Variants in ENPEP observed in about 807,000 individuals in gnomAD.
ENPEP encodes glutamyl aminopeptidase.
A neutral mutation model predicts 114.5 loss-of-function variants in ENPEP; 103 were observed. The observed-to-expected ratio is 0.90, with a 90% CI of 0.77 to 1.06. The LOEUF is 1.06. Among genes scored for constraint, ENPEP ranks in the 50% least tolerant of loss-of-function variants. The pLI is 0.00. For missense variants in ENPEP, 1,196 were observed against 1,161.3 expected (o/e 1.03, Z -0.43); for synonymous variants, 420 against 422.0 (o/e 1.00, Z 0.06).
intron 1 of ENPEP, 33 bp from the exon 2 acceptor site, chr4:110,488,508 T>C: frequency 6.4e-7 from 1 of 1,572,210 alleles, no homozygotes; most frequent in Non-Finnish European, 8.6e-7. Flanking sequence ...AGAGGCAGCA[T>C]GCATTTCGTT....
At chr4:110,506,561 T>C (rs1725374665) in intron 3 of ENPEP, 76 bp from the exon 4 acceptor site, 1 of 1,461,548 alleles carries the variant, frequency 6.8e-7, no homozygotes, top group Non-Finnish European at 9.2e-7. Context: ...CTTTCAAGTA[T>C]GTTATGCATC....
At chr4:110,554,998 TAAG>T (rs1252791631) in intron 18 of ENPEP, among the ~76,000 whole-genome samples, 1 of 151,996 alleles carries the variant, frequency 6.6e-6, no homozygotes, top group African/African-American at 2.4e-5. Flanking sequence ...TCAGGAAAAT[TAAG>T]AAGTAGAAAA....
At chr4:110,510,409 A>T (rs142059824) in intron 6 of ENPEP, 51 bp downstream of exon 6, 7 of 1,455,152 alleles carry the variant, frequency 4.8e-6, no homozygotes, top group Non-Finnish European at 6.8e-6. Flanking sequence ...CATGCAAAGC[A>T]GATGGAAGCC....
intron 3 of ENPEP, among the ~76,000 whole-genome samples, chr4:110,495,420 C>T (rs569669389): frequency 1.3e-5 from 2 of 152,084 alleles, no homozygotes; most frequent in Non-Finnish European, 2.9e-5. Flanking sequence ...AAATTCAGGA[C>T]GAGTTAAATG....
At chr4:110,508,638 C>T (rs562509442) in intron 4 of ENPEP, among the ~76,000 whole-genome samples, 6 of 152,202 alleles carry the variant, frequency 3.9e-5, no homozygotes, top group East Asian at 3.9e-4. Flanking sequence ...GGTGAATCCC[C>T]GTCTCTACTA....
chr4:110,490,990 T>G, intron 2 of ENPEP, 43 bp from the exon 3 acceptor site: 1 of 1,585,206 alleles, frequency 6.3e-7, no homozygotes, highest in Non-Finnish European at 8.6e-7. Context: ...ATATATATGA[T>G]TGATATTTTG....
At chr4:110,531,080 G>A in intron 10 of ENPEP, 118 bp from the exon 11 acceptor site, 1 of 540,712 alleles carries the variant, frequency 1.8e-6, no homozygotes. Flanking sequence ...GTGTAGTATG[G>A]ACTAGATAAT....
At chr4:110,490,141 G>A (rs560182754) in intron 2 of ENPEP, among the ~76,000 whole-genome samples, 147 of 152,124 alleles carry the variant, frequency 9.7e-4, no homozygotes, top group Non-Finnish European at 2.6e-4. Context: ...ACTGTGCAGA[G>A]TTACACTTTA....
chr4:110,538,586 A>G (rs1726731909), intron 11 of ENPEP, among the ~76,000 whole-genome samples: 1 of 152,176 alleles, frequency 6.6e-6, no homozygotes, highest in South Asian at 2.1e-4. Context: ...CTTATCATTC[A>G]TGTGTTCACT....
chr4:110,541,927 A>C (rs138175957), intron 11 of ENPEP, among the ~76,000 whole-genome samples: 71 of 152,286 alleles, frequency 4.7e-4, no homozygotes, highest in African/African-American at 1.5e-3. Context: ...CTATTATTTT[A>C]AGTACATATC....
At chr4:110,561,186 T>C (rs1228801397) in intron 19 of ENPEP, among the ~76,000 whole-genome samples, 1 of 152,180 alleles carries the variant, frequency 6.6e-6, no homozygotes, top group African/African-American at 2.4e-5. Context: ...TCAGAGCCTA[T>C]TTTGGCTTGA....
intron 7 of ENPEP, among the ~76,000 whole-genome samples, chr4:110,514,507 T>C (rs1034299869): frequency 2.0e-5 from 3 of 152,078 alleles, no homozygotes; most frequent in Non-Finnish European, 4.4e-5. Context: ...AATCCACTTA[T>C]AGCCTATTCT....
chr4:110,553,559 A>G, intron 18 of ENPEP, 104 bp downstream of exon 18: 1 of 1,115,172 alleles, frequency 9.0e-7, no homozygotes, highest in Non-Finnish European at 1.2e-6. Context: ...TACAATATCT[A>G]AAATGGCATT....
chr4:110,540,198 A>T lies in ENPEP; in HGVS notation c.1808-2553A>T, dbSNP rs990137834. 2.0e-5 allele frequency among the ~76,000 whole-genome samples: 3 copies of T among 152,194 alleles called. No individual in the cohort carries two copies. In the East Asian group the frequency reaches 5.8e-4, roughly 29 times the overall value. On this transcript the variant is annotated intron_variant, in intron 11 of 19. Coordinates refer to ENST00000265162, the MANE Select transcript of ENPEP (RefSeq NM_001977.4). ...TATAAAATGAAATTGCAAGGTGTTTAAAATATAATTTCAAATGAAAAAGGA... is the reference window on the plus strand; with the variant it reads ...TATAAAATGAAATTGCAAGGTGTTTTAAATATAATTTCAAATGAAAAAGGA...
intron 1 of ENPEP, among the ~76,000 whole-genome samples, chr4:110,478,403 T>C (rs564134273): frequency 6.9e-6 from 1 of 145,186 alleles, no homozygotes; most frequent in South Asian, 2.3e-4. Flanking sequence ...ATTGAAAGCA[T>C]AAAAATTATC....
intron 1 of ENPEP, among the ~76,000 whole-genome samples, chr4:110,482,940 C>T (rs1162653944): frequency 1.3e-5 from 2 of 152,050 alleles, no homozygotes; most frequent in Non-Finnish European, 2.9e-5. Flanking sequence ...ACCCAGGAGG[C>T]GGAGGTTGTA....
chr4:110,549,911 A>G (rs1355824239), intron 17 of ENPEP, 25 bp downstream of exon 17: 6 of 1,576,700 alleles, frequency 3.8e-6, no homozygotes, highest in Non-Finnish European at 5.2e-6. Context: ...TATTTCACAT[A>G]TATAAATAGT....
At position 110,476,380 on chromosome 4, in the gene ENPEP, C is replaced by CT. The variant is rs773576095; in HGVS notation, c.-30dup. Reference sequence around the variant, plus strand: ...GACGTTAGTTAGTTAAATTTAACATCTTTTTATGTGTAACACTTGACTTTG... The same window carrying CT: ...GACGTTAGTTAGTTAAATTTAACATCTTTTTTATGTGTAACACTTGACTTTG... On this transcript the variant is annotated 5_prime_UTR_variant, in exon 1 of 20. Transcript: ENST00000265162. 6 of 1,500,802 alleles carry CT rather than the reference C, an allele frequency of 4.0e-6. No individual in the cohort carries two copies. Among genetic ancestry groups the CT allele is most frequent in the Non-Finnish European group, 5.3e-6 (6 of 1,123,394 alleles). The allele number at this position is 1,500,802 out of a possible 1,614,324, so 93.0% of individuals were successfully genotyped here.
At chr4:110,515,480 TA>T in intron 8 of ENPEP, 38 bp downstream of exon 8, 1 of 1,442,710 alleles carries the variant, frequency 6.9e-7, no homozygotes, top group Non-Finnish European at 9.6e-7. Flanking sequence ...AAAATTAAAC[TA>T]CATTGATATG....
Sources: allele counts gnomAD v4.1 joint callset (sites outside exome capture counted in the v4.1 genomes callset), GRCh38; gene constraint gnomAD v4.1.1; transcripts MANE v1.5; gene names NCBI Gene and HGNC (gene_info 2026-07-23, HGNC 2026-07-21).